Variants in TSHZ1 observed in about 807,000 individuals in gnomAD.
TSHZ1 encodes teashirt homolog 1.
A neutral mutation model predicts 67.1 loss-of-function variants in TSHZ1; 12 were observed. The ratio of observed to expected loss-of-function variants is 0.18; its 90% confidence interval spans 0.11 to 0.29. The LOEUF (loss-of-function observed/expected upper bound fraction) is 0.29, where lower values mean the gene tolerates loss of function less well. TSHZ1 is among the 10% of genes least tolerant of loss of function. The probability of loss-of-function intolerance (pLI) is 1.00; values close to 1 mark genes in which losing one functional copy is unlikely to be tolerated. For missense variants in TSHZ1, 1,305 were observed against 1,413.9 expected, an observed-to-expected ratio of 0.92 and a Z score of 1.23; for synonymous variants, 632 against 622.4, an observed-to-expected ratio of 1.02 and a Z score of -0.23.
intron 1 of TSHZ1, among the ~76,000 whole-genome samples, chr18:75,222,828 C>G (rs1405916209): frequency 6.6e-6 from 1 of 152,086 alleles, no homozygotes; most frequent in Non-Finnish European, 1.5e-5. Context: ...AAAGTAGGAT[C>G]TTGTTGTGGT....
chr18:75,252,084 T>C (rs1375218128), intron 1 of TSHZ1, among the ~76,000 whole-genome samples: 2 of 152,360 alleles, frequency 1.3e-5, no homozygotes, highest in East Asian at 1.9e-4. Flanking sequence ...TGTCTATCTA[T>C]ATTTATCTCT....
intron 1 of TSHZ1, among the ~76,000 whole-genome samples, chr18:75,272,338 G>A (rs1409140052): frequency 2.6e-5 from 4 of 152,194 alleles, no homozygotes; most frequent in Non-Finnish European, 1.5e-5. Context: ...GAGGATGAGA[G>A]GGAAAGAGGG....
intron 1 of TSHZ1, among the ~76,000 whole-genome samples, chr18:75,273,688 A>G (rs1219955513): frequency 1.3e-5 from 2 of 152,220 alleles, no homozygotes; most frequent in Non-Finnish European, 2.9e-5. Flanking sequence ...GACCGTATAC[A>G]TTGCCTTATG....
chr18:75,234,333 C>G (rs2023039272), intron 1 of TSHZ1, among the ~76,000 whole-genome samples: 1 of 152,184 alleles, frequency 6.6e-6, no homozygotes, highest in Admixed American at 6.5e-5. Flanking sequence ...GTCTTTCTTT[C>G]CATCCACTTC....
chr18:75,286,048 A>G lies in TSHZ1; in HGVS notation c.641A>G (p.Tyr214Cys), dbSNP rs752961161. 1.2e-6 allele frequency: 2 copies of G among 1,613,352 alleles called. No individual in the cohort carries two copies. Among genetic ancestry groups the G allele is most frequent in the Admixed American group, 1.7e-5 (1 of 59,956 alleles). The change falls in exon 2 of 2, where the codon TAT (tyrosine) becomes TGT (cysteine). Residue 214 changes from tyrosine to cysteine, a missense_variant. By Grantham distance (194) the Tyr-to-Cys change is radical. This residue lies in a region of TSHZ1 where 358 missense variants were observed against 375.6 expected (regional missense o/e 0.95). Transcript: ENST00000580243. The surrounding 1 kb of genome is among the most constrained non-coding windows in gnomAD (Gnocchi z 5.1). ...AAGACGCTGCAGCAGACGTCCTCGT[A>G]TGGGCTGCTTCCTGAGCCCAGCCTG... ...LAKTLQQTSSYGLLPEPSLFS... is the reference protein window; with the variant it reads ...LAKTLQQTSSCGLLPEPSLFS...
intron 1 of TSHZ1, among the ~76,000 whole-genome samples, chr18:75,236,783 A>G (rs181480479): frequency 3.3e-5 from 5 of 152,198 alleles, no homozygotes; most frequent in African/African-American, 1.2e-4. Context: ...TTTTATAGTT[A>G]TCTTATTATT....
intron 1 of TSHZ1, among the ~76,000 whole-genome samples, chr18:75,240,721 G>A (rs1222812024): frequency 6.6e-6 from 1 of 152,156 alleles, no homozygotes; most frequent in Non-Finnish European, 1.5e-5. Context: ...ACTTAGTTAT[G>A]TGCCTGTGAC....
chr18:75,217,262 A>C (rs911285840), intron 1 of TSHZ1, among the ~76,000 whole-genome samples: 2 of 152,262 alleles, frequency 1.3e-5, no homozygotes, highest in East Asian at 1.9e-4. Context: ...GTGTGAATTC[A>C]CATTTGCAAA....
intron 1 of TSHZ1, among the ~76,000 whole-genome samples, chr18:75,227,488 C>T (rs2022941524): frequency 2.0e-5 from 3 of 152,026 alleles, no homozygotes; most frequent in Admixed American, 6.6e-5. Context: ...CACTAGAAAA[C>T]CACCAGAAAG....
intron 1 of TSHZ1, among the ~76,000 whole-genome samples, chr18:75,270,092 C>T (rs142759944): frequency 0.013 from 1,969 of 152,346 alleles, 17 homozygotes; most frequent in South Asian, 0.023. Flanking sequence ...ACTCATGCCA[C>T]TTACAGTTGC....
intron 1 of TSHZ1, among the ~76,000 whole-genome samples, chr18:75,241,473 C>T (rs577365240): frequency 1.2e-4 from 19 of 152,052 alleles, no homozygotes; most frequent in African/African-American, 3.1e-4. Flanking sequence ...AGTCACGGGC[C>T]GGGGGTTGGC....
At chr18:75,248,430 G>A (rs887652184) in intron 1 of TSHZ1, among the ~76,000 whole-genome samples, 4 of 152,280 alleles carry the variant, frequency 2.6e-5, no homozygotes, top group Middle Eastern at 6.8e-3. Context: ...GCTCACCTTC[G>A]TGTGTATTTC....
At chr18:75,256,995 C>T (rs1386803335) in intron 1 of TSHZ1, among the ~76,000 whole-genome samples, 1 of 152,174 alleles carries the variant, frequency 6.6e-6, no homozygotes, top group Non-Finnish European at 1.5e-5. Flanking sequence ...ATTCAGATAA[C>T]TTGATTGTAT....
chr18:75,237,813 T>TTTATTTAG (rs2023096643), intron 1 of TSHZ1, among the ~76,000 whole-genome samples: 1 of 151,380 alleles, frequency 6.6e-6, no homozygotes, highest in Non-Finnish European at 1.5e-5. Context: ...TATTTATTTA[T>TTTATTTAG]TTATTTATTT....
In TSHZ1 at chr18:75,287,816, T is replaced by C. The variant is rs776534388; in HGVS notation, c.2409T>C (p.Tyr803=). The stretch of plus-strand genomic sequence containing the variant: ...CCGATGCCATCGACCGCTACTATTA[T>C]GAAAACAGCGACCAGCCCATTGACT... ...KQADAIDRYY[Y]ENSDQPIDLT... Residue 803 remains tyrosine (Y), a synonymous_variant, in exon 2 of 2, where the codon TAT becomes TAC. Transcript: ENST00000580243. The surrounding 1 kb of genome is among the most constrained non-coding windows in gnomAD (Gnocchi z 5.0). 3.1e-6 allele frequency: 5 copies of C among 1,614,154 alleles called. No homozygotes were observed. Among genetic ancestry groups the C allele is most frequent in the Non-Finnish European group, 3.4e-6 (4 of 1,180,052 alleles).
intron 1 of TSHZ1, among the ~76,000 whole-genome samples, chr18:75,233,728 A>G (rs1264217245): frequency 6.6e-6 from 1 of 152,062 alleles, no homozygotes; most frequent in African/African-American, 2.4e-5. Flanking sequence ...TTCCTTTTTG[A>G]GGAGTGACGT....
intron 1 of TSHZ1, among the ~76,000 whole-genome samples, chr18:75,238,476 C>A (rs9961595): frequency 0.012 from 1,828 of 152,202 alleles, 35 homozygotes; most frequent in African/African-American, 0.039. Flanking sequence ...TGGATGATAT[C>A]TGGTTTGTTT....
In TSHZ1 at chr18:75,248,137, C is replaced by T. The variant is rs745551638; in HGVS notation, c.40+36221C>T. Among the ~76,000 whole-genome samples the T allele has an allele frequency of 9.9e-5, 15 of 152,148 alleles. 1 individual carries two copies. In the South Asian group the frequency reaches 1.0e-3, roughly 11 times the overall value. On this transcript the variant is annotated intron_variant, in intron 1 of 1. Coordinates refer to ENST00000580243, the MANE Select transcript of TSHZ1 (RefSeq NM_001308210.2). The stretch of plus-strand genomic sequence containing the variant: ...TATATGTGAGCTTACAAAAATGTTT[C>T]TCATACTGGAAACTGTATCCATCAG...
intron 1 of TSHZ1, among the ~76,000 whole-genome samples, chr18:75,275,318 C>T (rs1338988922): frequency 2.6e-5 from 4 of 152,158 alleles, no homozygotes; most frequent in Non-Finnish European, 5.9e-5. Flanking sequence ...TGTAGAAGTT[C>T]ACCTTTTTGG....
Sources: gnomAD v4.1 joint callset for allele counts (sites outside exome capture counted in the v4.1 genomes callset) on GRCh38, gnomAD v4.1.1 for gene constraint, gnomAD v4.1.1 regional missense constraint, Gnocchi (gnomAD v3.1) non-coding constraint, MANE v1.5 for transcripts, NCBI Gene and HGNC (gene_info 2026-07-23, HGNC 2026-07-21) for gene names.